The following SERPIND1 variants were observed in gnomAD, a reference collection of about 807,000 sequenced individuals.
SERPIND1 encodes the protein serpin family D member 1.
A neutral mutation model predicts 35.0 loss-of-function variants in SERPIND1; 34 were observed. The ratio of observed to expected loss-of-function variants is 0.97; its 90% CI spans 0.74 to 1.29. The LOEUF (loss-of-function observed/expected upper bound fraction) is 1.29, where lower values mean the gene tolerates loss of function less well. SERPIND1 is among the 50% of genes most tolerant of loss of function. The probability of loss-of-function intolerance (pLI) is 0.00; values close to 1 mark genes in which losing one functional copy is unlikely to be tolerated. For synonymous variants in SERPIND1, 236 were observed against 241.1 expected (o/e 0.98, Z 0.19); for missense variants, 633 against 637.7 (o/e 0.99, Z 0.08).
Position 20,780,017 on chromosome 22 carries a change from C to T in SERPIND1, c.705C>T (p.Asp235=), listed in dbSNP as rs1462735586. Residue 235 remains aspartate, a synonymous_variant, in exon 2 of 5, where the codon GAC becomes GAT. Transcript: ENST00000215727. ...YIQKQFPILL[D]FKTKVREYYF... ...AGAAGCAGTTTCCAATCCTGCTTGACTTCAAAACTAAAGTAAGAGAGTATT... is the reference window on the plus strand; with the variant it reads ...AGAAGCAGTTTCCAATCCTGCTTGATTTCAAAACTAAAGTAAGAGAGTATT... 2 of 1,614,064 alleles carry T rather than the reference C, an allele frequency of 1.2e-6. No homozygotes were observed. Among genetic ancestry groups the T allele is most frequent in the African/African-American group, 2.7e-5 (2 of 74,938 alleles).
At chr22:20,785,750 G>T (rs1934167487) in intron 3 of SERPIND1, among the ~76,000 whole-genome samples, 1 of 152,064 alleles carries the variant, frequency 6.6e-6, no homozygotes, top group African/African-American at 2.4e-5. Context: ...TGCTAACCTT[G>T]AAGATAGGAA....
intron 4 of SERPIND1, 34 bp downstream of exon 4, chr22:20,786,182 C>G: frequency 1.2e-6 from 2 of 1,612,200 alleles, no homozygotes; most frequent in African/African-American, 1.3e-5. Flanking sequence ...CGACCCGTCC[C>G]CAGGGTCTGC....
chr22:20,786,928 T>G lies in SERPIND1; in HGVS notation c.1362T>G (p.Thr454=). ...ACGAGGAAGGCACCCAAGCCACCAC[T>G]GTGACCACGGTGGGGTTCATGCCGC... The part of the protein sequence containing the change: ...TVNEEGTQAT[T]VTTVGFMPLS... The change falls in exon 5 of 5, where the codon ACT becomes ACG. Residue 454 remains threonine, a synonymous_variant. Transcript: ENST00000215727. The G allele has an allele frequency of 1.2e-6, 2 of 1,614,172 alleles. No homozygotes were observed. The highest frequency in any genetic ancestry group is 2.2e-5 in the East Asian group (1 of 44,878).
chr22:20,776,998 T>G lies in SERPIND1; in HGVS notation c.-16-2299T>G, dbSNP rs145784932. ...CCTCAAATATCTATCTAATAGGAAA[T>G]GGTCACAGACACAAAATAAGCTTAA... On this transcript the variant is annotated intron_variant, in intron 1 of 4. Coordinates refer to ENST00000215727, the MANE Select transcript of SERPIND1 (RefSeq NM_000185.4). 1.6e-3 allele frequency among the ~76,000 whole-genome samples: 236 copies of G among 152,098 alleles called. 1 individual carries two copies. The highest frequency in any genetic ancestry group is 6.8e-3 in the Middle Eastern group (2 of 294).
rs760667123 is a variant in SERPIND1 at position 20,779,200 on chromosome 22, T to C, written c.-16-97T>C. On this transcript the variant is annotated intron_variant, in intron 1 of 4. Coordinates refer to ENST00000215727, the MANE Select transcript of SERPIND1 (RefSeq NM_000185.4). ...AAGAACTAATGCTGTGAGGGCCTCTTCCTGGGTCAAAGCCACAGGGAACCT... is the reference window on the plus strand; with the variant it reads ...AAGAACTAATGCTGTGAGGGCCTCTCCCTGGGTCAAAGCCACAGGGAACCT... 3.8e-5 allele frequency: 60 copies of C among 1,595,968 alleles called. 1 individual carries two copies. In the Middle Eastern group the frequency reaches 1.2e-3, roughly 31 times the overall value.
chr22:20,775,519 C>G (rs1011208830), intron 1 of SERPIND1, among the ~76,000 whole-genome samples: 1 of 152,176 alleles, frequency 6.6e-6, no homozygotes, highest in Admixed American at 6.5e-5. Flanking sequence ...ACATGCATGT[C>G]TTTACTCTGC....
At chr22:20,781,748 C>T (rs1388507941) in intron 2 of SERPIND1, among the ~76,000 whole-genome samples, 1 of 152,232 alleles carries the variant, frequency 6.6e-6, no homozygotes, top group Non-Finnish European at 1.5e-5. Flanking sequence ...ACACACATAT[C>T]CTTTTCATTA....
intron 2 of SERPIND1, among the ~76,000 whole-genome samples, chr22:20,781,555 G>A (rs1933801035): frequency 6.6e-6 from 1 of 152,248 alleles, no homozygotes; most frequent in African/African-American, 2.4e-5. Flanking sequence ...CTGTGCCTTG[G>A]CTGAGGCCCC....
rs76882693 is a variant in SERPIND1 at position 20,780,091 on chromosome 22, C to G, written c.779C>G (p.Ser260Ter). ...IADFSDPAFI[S>*]KTNNHIMKLT... Reference sequence around the variant, plus strand: ...GACTTCTCAGACCCTGCCTTCATATCAAAAACCAACAACCACATCATGAAG... The same window carrying G: ...GACTTCTCAGACCCTGCCTTCATATGAAAAACCAACAACCACATCATGAAG... The change falls in exon 2 of 5, where the codon TCA becomes TGA. Residue 260 changes from serine to a stop codon, truncating the protein, a stop_gained. Transcript: ENST00000215727. LOFTEE classifies it high-confidence loss of function. The G allele has an allele frequency of 6.2e-7, 1 of 1,614,034 alleles. No individual in the cohort carries two copies. The highest frequency in any genetic ancestry group is 8.5e-7 in the Non-Finnish European group (1 of 1,180,050).
chr22:20,780,652 T>G (rs1479779929), intron 2 of SERPIND1, among the ~76,000 whole-genome samples: 2 of 151,676 alleles, frequency 1.3e-5, no homozygotes, highest in African/African-American at 4.9e-5. Context: ...GGTGGGTGCC[T>G]GTACTCCCAG....
intron 2 of SERPIND1, among the ~76,000 whole-genome samples, chr22:20,783,172 T>C (rs936166265): frequency 2.0e-5 from 3 of 152,184 alleles, no homozygotes; most frequent in South Asian, 2.1e-4. Flanking sequence ...AGAGCTAACA[T>C]AGACATGGGC....
intron 2 of SERPIND1, among the ~76,000 whole-genome samples, chr22:20,782,713 A>G (rs1349711840): frequency 2.6e-5 from 4 of 152,174 alleles, no homozygotes; most frequent in Non-Finnish European, 4.4e-5. Flanking sequence ...GGTTGGAGTA[A>G]GCATTACTGG....
At position 20,787,288 on chromosome 22, in the gene SERPIND1, CTG is replaced by C. The variant is rs1934326672; in HGVS notation, c.*224_*225del. On this transcript the variant is annotated 3_prime_UTR_variant, in exon 5 of 5. Transcript: ENST00000215727. ...TGTAAGCTCATAGAAGTCACTGTAACTGTAGTGTGTCTGCTGTTACCTAGAGG... is the reference window on the plus strand; with the variant it reads ...TGTAAGCTCATAGAAGTCACTGTAACTAGTGTGTCTGCTGTTACCTAGAGG... 1.7e-6 allele frequency: 1 copy of C among 580,558 alleles called. No individual in the cohort carries two copies. The highest frequency in any genetic ancestry group is 3.1e-6 in the Non-Finnish European group (1 of 323,902). The allele number at this position is 580,558 out of a possible 1,614,324, so 36.0% of individuals were successfully genotyped here.
At chr22:20,782,563 C>A (rs1274243892) in intron 2 of SERPIND1, among the ~76,000 whole-genome samples, 1 of 152,148 alleles carries the variant, frequency 6.6e-6, no homozygotes, top group Admixed American at 6.5e-5. Flanking sequence ...TAAACAGAGG[C>A]AGGCTCTCAT....
chr22:20,777,695 C>A (rs969175374), intron 1 of SERPIND1, among the ~76,000 whole-genome samples: 1 of 152,196 alleles, frequency 6.6e-6, no homozygotes, highest in Non-Finnish European at 1.5e-5. Flanking sequence ...CCATGTATTA[C>A]CTGTCTGAGT....
intron 1 of SERPIND1, among the ~76,000 whole-genome samples, chr22:20,778,485 CAG>C (rs1200016295): frequency 6.6e-6 from 1 of 152,102 alleles, no homozygotes; most frequent in Non-Finnish European, 1.5e-5. Flanking sequence ...GCCTGGGTGA[CAG>C]AGTGAGACTC....
At position 20,786,804 on chromosome 22, in the gene SERPIND1, G is replaced by C. The variant is rs777011892; in HGVS notation, c.1309-71G>C. 188 of 1,420,312 alleles carry C rather than the reference G, an allele frequency of 1.3e-4. 1 individual carries two copies. The East Asian group carries it at 4.1e-3, about 31-fold the overall frequency. 88.0% of individuals were successfully genotyped at this position (1,420,312 alleles called of 1,614,324 possible). A position where few individuals can be genotyped will look rare whatever the true frequency, so the allele number is the denominator to read the frequency against. On this transcript the variant is annotated intron_variant, in intron 4 of 4. Coordinates refer to ENST00000215727, the MANE Select transcript of SERPIND1 (RefSeq NM_000185.4). The stretch of plus-strand genomic sequence containing the variant: ...TTTGGATCCTTTCCCTGAATGATAT[G>C]AGATTGTGCTGGGAACTCTAGCCCT...
rs1933656993 is a variant in SERPIND1 at position 20,780,177 on chromosome 22, A to C, written c.865A>C (p.Ile289Leu). ...ENIDPATQMMILNCIYFKGSW... is the reference protein window; with the variant it reads ...ENIDPATQMMLLNCIYFKGSW... ...TATAGACCCTGCTACCCAGATGATGATTCTCAACTGCATCTACTTCAAAGG... is the reference window on the plus strand; with the variant it reads ...TATAGACCCTGCTACCCAGATGATGCTTCTCAACTGCATCTACTTCAAAGG... Residue 289 changes from isoleucine (I) to leucine (L), a missense_variant, in exon 2 of 5, where the codon ATT becomes CTT. Transcript: ENST00000215727. 6.2e-7 allele frequency: 1 copy of C among 1,614,138 alleles called. No homozygotes were observed. Among genetic ancestry groups the C allele is most frequent in the Admixed American group, 1.7e-5 (1 of 60,004 alleles).
Position 20,779,817 on chromosome 22 carries a change from C to G in SERPIND1, c.505C>G (p.Leu169Val). The G allele has an allele frequency of 6.2e-7, 1 of 1,614,194 alleles. No homozygotes were observed. The highest frequency in any genetic ancestry group is 8.5e-7 in the Non-Finnish European group (1 of 1,180,038). ...STAMGMISLG[L>V]KGETHEQVHS... is the part of the protein sequence containing the mutation. ...TGCGATGGGTATGATTTCCTTAGGT[C>G]TGAAGGGAGAGACCCATGAACAAGT... Residue 169 changes from leucine to valine, a missense_variant, in exon 2 of 5, where the codon CTG (leucine) becomes GTG (valine). Coordinates refer to ENST00000215727, the MANE Select transcript of SERPIND1 (RefSeq NM_000185.4).
Sources: gnomAD v4.1 joint callset for allele counts (sites outside exome capture counted in the v4.1 genomes callset) on GRCh38, gnomAD v4.1.1 for gene constraint, MANE v1.5 for transcripts, NCBI Gene and HGNC (gene_info 2026-07-23, HGNC 2026-07-21) for gene names.